LYZL4: variants seen among roughly 807,000 people sequenced by gnomAD.
LYZL4 encodes lysozyme-like protein 4.
A neutral mutation model predicts 17.6 loss-of-function variants in LYZL4; 13 were observed. That is an observed-to-expected ratio of 0.74 (90% CI 0.48 to 1.18). The LOEUF (loss-of-function observed/expected upper bound fraction) is 1.18. Among genes scored for constraint, LYZL4 ranks in the 50% most tolerant of loss-of-function variants. LYZL4 has a pLI of 0.00. For missense variants in LYZL4, 174 were observed against 188.2 expected (o/e 0.92, Z 0.44); for synonymous variants, 64 against 67.7 (o/e 0.95, Z 0.27).
intron 4 of LYZL4, among the ~76,000 whole-genome samples, chr3:42,399,824 T>C (rs1434499323): frequency 6.6e-6 from 1 of 152,024 alleles, no homozygotes; most frequent in Admixed American, 6.5e-5. Context: ...GGGGTTTCCA[T>C]TATGTGCCAG....
chr3:42,367,852 TA>T, the LYZL4 span, among the ~76,000 whole-genome samples: 1 of 152,190 alleles, frequency 6.6e-6, no homozygotes, highest in Non-Finnish European at 1.5e-5. Context: ...ACATGTTTAT[TA>T]TGTAATATTT....
At chr3:42,374,949 A>G in the LYZL4 span, among the ~76,000 whole-genome samples, 1 of 152,054 alleles carries the variant, frequency 6.6e-6, no homozygotes, top group Non-Finnish European at 1.5e-5. Context: ...GGCTGGGACT[A>G]AAGGGGTGCA....
At chr3:42,376,655 G>A in the LYZL4 span, among the ~76,000 whole-genome samples, 9 of 152,304 alleles carry the variant, frequency 5.9e-5, no homozygotes, top group South Asian at 2.1e-4. Context: ...TTCCTCTGGC[G>A]GGGGCGGATC....
At chr3:42,409,429 C>T (rs1228044872) in intron 1 of LYZL4, among the ~76,000 whole-genome samples, 1 of 152,152 alleles carries the variant, frequency 6.6e-6, no homozygotes, top group Non-Finnish European at 1.5e-5. Context: ...AATCTCAATG[C>T]ATGTTTCATT....
Position 42,407,111 on chromosome 3 carries a change from A to C in LYZL4, c.139+2T>G. On this transcript the variant is annotated splice_donor_variant, in intron 2 of 4. Coordinates refer to ENST00000287748, the MANE Select transcript of LYZL4 (RefSeq NM_144634.4). LOFTEE classifies it high-confidence loss of function. ...AGGGAGCACTAAGTGGGGCCTACTC[A>C]CAGTTCTCAAGGCTATAGCCCTCAA... 1 of 1,614,212 alleles carries C rather than the reference A, an allele frequency of 6.2e-7. No homozygotes were observed. Among genetic ancestry groups the C allele is most frequent in the Non-Finnish European group, 8.5e-7 (1 of 1,180,028 alleles).
the LYZL4 span, among the ~76,000 whole-genome samples, chr3:42,368,880 T>A: frequency 1.3e-3 from 202 of 152,384 alleles, no homozygotes; most frequent in African/African-American, 4.5e-3. Flanking sequence ...CCTCAGCTGC[T>A]AATGAGTTTG....
rs1206040925 is a variant in LYZL4, at chr3:42,407,326, T to C, written c.-75A>G. ...TGGAGTCACAGGGACACTGGTTCTC[T>C]GAAGGGAAAGAAGGGCACTGTGGGG... On this transcript the variant is annotated 5_prime_UTR_variant, in exon 2 of 5. Transcript: ENST00000287748. 2 of 1,599,656 alleles carry C rather than the reference T, an allele frequency of 1.3e-6. No individual in the cohort carries two copies. Among genetic ancestry groups the C allele is most frequent in the Non-Finnish European group, 1.7e-6 (2 of 1,172,548 alleles).
chr3:42,381,022 TG>T, the LYZL4 span, among the ~76,000 whole-genome samples: 1 of 152,250 alleles, frequency 6.6e-6, no homozygotes, highest in African/African-American at 2.4e-5. Flanking sequence ...GGTAGCTCAG[TG>T]GTCCCAGAAA....
chr3:42,385,907 G>A, the LYZL4 span, among the ~76,000 whole-genome samples: 5 of 152,172 alleles, frequency 3.3e-5, no homozygotes, highest in East Asian at 5.8e-4. Context: ...TTAGTGACTC[G>A]AAAAAACACA....
At chr3:42,394,178 G>GA (rs1382195371), downstream of LYZL4, among the ~76,000 whole-genome samples, 1 of 152,314 alleles carries the variant, frequency 6.6e-6, no homozygotes, top group African/African-American at 2.4e-5. Context: ...GTGCAGTTGA[G>GA]AAAATTCACT....
chr3:42,382,236 C>T, the LYZL4 span, among the ~76,000 whole-genome samples: 4 of 152,182 alleles, frequency 2.6e-5, no homozygotes, highest in African/African-American at 9.7e-5. Flanking sequence ...ATTTCTCTCC[C>T]TTGCTCAACA....
chr3:42,389,506 A>G, the LYZL4 span, among the ~76,000 whole-genome samples: 180 of 152,332 alleles, frequency 1.2e-3, 6 homozygotes, highest in South Asian at 0.034. Flanking sequence ...AACTAATTCC[A>G]CGGAGCCTCT....
intron 4 of LYZL4, among the ~76,000 whole-genome samples, chr3:42,397,707 A>G (rs1698578597): frequency 2.0e-5 from 3 of 152,160 alleles, no homozygotes; most frequent in Admixed American, 2.0e-4. Context: ...CCAGAGTCAC[A>G]TGATGAGTCT....
chr3:42,409,382 T>G (rs527372085), intron 1 of LYZL4, among the ~76,000 whole-genome samples: 15 of 152,354 alleles, frequency 9.8e-5, no homozygotes, highest in African/African-American at 3.6e-4. Context: ...TGTGCACATG[T>G]ACCCTGGAAC....
chr3:42,408,260 C>T (rs1047098509), intron 1 of LYZL4, among the ~76,000 whole-genome samples: 3 of 152,210 alleles, frequency 2.0e-5, no homozygotes, highest in Non-Finnish European at 2.9e-5. Flanking sequence ...GCTTTCCAAG[C>T]CCTCCATGAT....
chr3:42,386,077 C>A, the LYZL4 span, among the ~76,000 whole-genome samples: 599 of 152,182 alleles, frequency 3.9e-3, 6 homozygotes, highest in Non-Finnish European at 5.7e-3. Context: ...TCACATCTCC[C>A]CCCGACCTTC....
At chr3:42,404,221 T>C (rs1031764088) in intron 3 of LYZL4, 97 bp from the exon 4 acceptor site, 8 of 635,490 alleles carry the variant, frequency 1.3e-5, no homozygotes, top group Admixed American at 3.1e-5. Flanking sequence ...TCAGAGAGTC[T>C]TCCAGTGAAT....
the LYZL4 span, among the ~76,000 whole-genome samples, chr3:42,377,951 G>T: frequency 6.6e-6 from 1 of 152,166 alleles, no homozygotes; most frequent in Non-Finnish European, 1.5e-5. Flanking sequence ...CAAGGTCTAT[G>T]TCTCTCAGTT....
the LYZL4 span, among the ~76,000 whole-genome samples, chr3:42,362,184 C>A: frequency 6.6e-6 from 1 of 152,062 alleles, no homozygotes; most frequent in Non-Finnish European, 1.5e-5. Flanking sequence ...AACGAATATA[C>A]CAAGTCCTTA....
Sources: allele counts gnomAD v4.1 joint callset (sites outside exome capture counted in the v4.1 genomes callset), GRCh38; gene constraint gnomAD v4.1.1; transcripts MANE v1.5; gene names NCBI Gene and HGNC (gene_info 2026-07-23, HGNC 2026-07-21).